The following IL7 variants were observed in gnomAD, a reference collection of about 807,000 sequenced individuals.
IL7 encodes interleukin 7, also known as interleukin-7.
Under a neutral mutation model 21.6 loss-of-function variants are expected in IL7, and 3 were observed. The ratio of observed to expected loss-of-function variants is 0.14; its 90% CI spans 0.06 to 0.36. The LOEUF is 0.36. Among genes scored for constraint, IL7 ranks in the 10% least tolerant of loss-of-function variants. The probability of loss-of-function intolerance (pLI) is 1.00; values close to 1 mark genes in which losing one functional copy is unlikely to be tolerated. For synonymous variants in IL7, 62 were observed against 68.1 expected, an observed-to-expected ratio of 0.91 and a Z score of 0.44; for missense variants, 175 against 200.2, an observed-to-expected ratio of 0.87 and a Z score of 0.76.
At chr8:78,720,026 A>G (rs1336615183) in intron 5 of IL7, among the ~76,000 whole-genome samples, 1 of 151,854 alleles carries the variant, frequency 6.6e-6, no homozygotes, top group South Asian at 2.1e-4. Flanking sequence ...AGCAGTCACA[A>G]ACATTTGTGA....
At chr8:78,785,306 C>T (rs1245515260) in intron 2 of IL7, among the ~76,000 whole-genome samples, 1 of 152,110 alleles carries the variant, frequency 6.6e-6, no homozygotes, top group Non-Finnish European at 1.5e-5. Context: ...TTGGTAGGAA[C>T]AATTATTCAT....
chr8:78,736,327 G>T, intron 5 of IL7, 147 bp downstream of exon 5: 1 of 470,276 alleles, frequency 2.1e-6, no homozygotes, highest in Non-Finnish European at 3.8e-6. Context: ...AAATTTTTGA[G>T]GGGCACCTCG....
intron 3 of IL7, among the ~76,000 whole-genome samples, chr8:78,687,552 A>G (rs1167809686): frequency 7.0e-6 from 1 of 143,440 alleles, no homozygotes; most frequent in Non-Finnish European, 1.5e-5. Flanking sequence ...AATAAATTTT[A>G]TATTTACATA....
chr8:78,761,329 C>T, intron 2 of IL7: 1 of 1,611,730 alleles, frequency 6.2e-7, no homozygotes. Context: ...TTGCCAACCA[C>T]ATATTTAAGG....
At chr8:78,748,094 G>C (rs1812044131) in intron 2 of IL7, among the ~76,000 whole-genome samples, 1 of 152,220 alleles carries the variant, frequency 6.6e-6, no homozygotes. Context: ...GACAGAACTG[G>C]TTTGACATAA....
In IL7 at chr8:78,694,298, T is replaced by G. The variant is rs1810325167; in HGVS notation, n.215-8351A>C. On this transcript the variant is annotated intron_variant and non_coding_transcript_variant, in intron 3 of 4. Coordinates refer to the IL7 transcript ENST00000523959. ...GGATATGTTCCTTGTTTTTTTTTTT[T>G]TCTCATTCAGTTTCCTTATATCCTT... Among the ~76,000 whole-genome samples the G allele has an allele frequency of 5.3e-5, 8 of 151,200 alleles. No individual in the cohort carries two copies. The South Asian group carries it at 1.7e-3, about 32-fold the overall frequency.
At chr8:78,723,794 A>T (rs1380965535) in intron 3 of IL7, 4 of 228,654 alleles carry the variant, frequency 1.7e-5, no homozygotes, top group Non-Finnish European at 3.0e-5. Flanking sequence ...AAGCATGCCA[A>T]ATCAGTCATC....
intron 2 of IL7, among the ~76,000 whole-genome samples, chr8:78,757,170 T>G (rs1812375924): frequency 6.6e-6 from 1 of 152,032 alleles, no homozygotes; most frequent in African/African-American, 2.4e-5. Flanking sequence ...GCCTATTGCT[T>G]TATTTCAATG....
intron 3 of IL7, among the ~76,000 whole-genome samples, chr8:78,707,939 G>A (rs1182691645): frequency 6.0e-5 from 9 of 150,346 alleles, no homozygotes; most frequent in Admixed American, 6.0e-4. Context: ...GACTATGTCT[G>A]CCTTGCTTCC....
downstream of IL7, among the ~76,000 whole-genome samples, chr8:78,730,521 A>G (rs551633410): frequency 6.6e-6 from 1 of 152,106 alleles, no homozygotes; most frequent in Admixed American, 6.6e-5. Context: ...CCCAGAATGC[A>G]TGGTGATTTT....
At chr8:78,736,907 G>A (rs1482652239) in intron 4 of IL7, among the ~76,000 whole-genome samples, 1 of 152,048 alleles carries the variant, frequency 6.6e-6, no homozygotes, top group Non-Finnish European at 1.5e-5. Flanking sequence ...ATTTTATTAA[G>A]CTTCACTTAT....
At chr8:78,698,927 A>G (rs1810515681) in intron 3 of IL7, among the ~76,000 whole-genome samples, 1 of 152,208 alleles carries the variant, frequency 6.6e-6, no homozygotes. Flanking sequence ...GCTCAAAGCC[A>G]CATAGCTGTT....
At chr8:78,754,803 T>C (rs1043181388) in intron 2 of IL7, among the ~76,000 whole-genome samples, 1 of 152,172 alleles carries the variant, frequency 6.6e-6, no homozygotes, top group Non-Finnish European at 1.5e-5. Context: ...ACTCTGTTAA[T>C]TATTTCCATT....
intron 1 of IL7, among the ~76,000 whole-genome samples, chr8:78,803,289 G>A (rs112391996): frequency 5.9e-5 from 9 of 152,138 alleles, no homozygotes; most frequent in African/African-American, 1.2e-4. Flanking sequence ...TCAGCCTCCC[G>A]AGTAGAGTCT....
intron 4 of IL7, among the ~76,000 whole-genome samples, chr8:78,738,031 C>T (rs1398723678): frequency 1.3e-5 from 2 of 152,006 alleles, no homozygotes; most frequent in African/African-American, 2.4e-5. Context: ...AAAATATTAG[C>T]CCTATTTGTA....
At chr8:78,772,808 G>A (rs1440036520) in intron 2 of IL7, among the ~76,000 whole-genome samples, 1 of 152,086 alleles carries the variant, frequency 6.6e-6, no homozygotes, top group Admixed American at 6.5e-5. Context: ...CCATGTTTTT[G>A]TAAATCAGTG....
downstream of IL7, chr8:78,675,666 C>T (rs1216238731): frequency 2.2e-5 from 19 of 867,132 alleles, no homozygotes; most frequent in Non-Finnish European, 2.9e-5. Context: ...TTTCAAAATG[C>T]AGTAAAACAT....
At chr8:78,761,696 C>A in intron 2 of IL7, 1 of 1,611,922 alleles carries the variant, frequency 6.2e-7, no homozygotes, top group South Asian at 1.1e-5. Context: ...TCGAATACAG[C>A]TCTCACAGAT....
downstream of IL7, among the ~76,000 whole-genome samples, chr8:78,675,292 G>A (rs1338244639): frequency 1.3e-5 from 2 of 151,814 alleles, no homozygotes; most frequent in Non-Finnish European, 2.9e-5. Context: ...ATAACTAGGT[G>A]ATCTTAATCT....
Sources: allele counts gnomAD v4.1 joint callset (sites outside exome capture counted in the v4.1 genomes callset), GRCh38; gene constraint gnomAD v4.1.1; transcripts MANE v1.5; gene names NCBI Gene and HGNC (gene_info 2026-07-23, HGNC 2026-07-21).